ANKFN1: variants seen among roughly 807,000 people sequenced by gnomAD.
ANKFN1 encodes ankyrin repeat and fibronectin type III domain containing 1, also known as ankyrin repeat and fibronectin type-III domain-containing protein 1.
A neutral mutation model predicts 108.7 loss-of-function variants in ANKFN1; 74 were observed. The observed-to-expected ratio is 0.68, with a 90% confidence interval of 0.56 to 0.83. The LOEUF is 0.83. Ranked by LOEUF, ANKFN1 falls within the 40% of genes least tolerant of loss-of-function variation. The pLI is 0.00. For missense variants in ANKFN1, 1,505 were observed against 1,382.3 expected (o/e 1.09, Z -1.41); for synonymous variants, 547 against 516.2 (o/e 1.06, Z -0.81).
intron 8 of ANKFN1, among the ~76,000 whole-genome samples, chr17:56,436,052 G>T (rs2048920563): frequency 1.3e-5 from 2 of 151,958 alleles, no homozygotes; most frequent in African/African-American, 4.8e-5. Flanking sequence ...AGGCTTCAGG[G>T]GCTCTTTTTC....
At chr17:56,182,492 A>G (rs1442676431) in intron 1 of ANKFN1, among the ~76,000 whole-genome samples, 1 of 152,222 alleles carries the variant, frequency 6.6e-6, no homozygotes, top group Non-Finnish European at 1.5e-5. Context: ...GTCCAGAGCA[A>G]GACCCTAACT....
At chr17:56,403,639 T>C (rs1391939995) in intron 8 of ANKFN1, among the ~76,000 whole-genome samples, 1 of 152,204 alleles carries the variant, frequency 6.6e-6, no homozygotes, top group Non-Finnish European at 1.5e-5. Flanking sequence ...ATTTAGGCCA[T>C]TTACATTCAA....
chr17:56,244,274 TC>T (rs1231133621), intron 3 of ANKFN1, among the ~76,000 whole-genome samples: 1 of 152,128 alleles, frequency 6.6e-6, no homozygotes, highest in Non-Finnish European at 1.5e-5. Context: ...CAATGCCTAT[TC>T]CCTTAAGGAG....
At chr17:56,265,367 C>T (rs937969126) in intron 3 of ANKFN1, among the ~76,000 whole-genome samples, 1 of 152,112 alleles carries the variant, frequency 6.6e-6, no homozygotes, top group Non-Finnish European at 1.5e-5. Context: ...AGGGAACTGC[C>T]AAACACTTTT....
intron 6 of ANKFN1, among the ~76,000 whole-genome samples, chr17:56,363,039 T>C (rs985946568): frequency 2.0e-5 from 3 of 151,886 alleles, no homozygotes; most frequent in Non-Finnish European, 2.9e-5. Flanking sequence ...TGAAACTCCA[T>C]CTCTACTAAA....
At chr17:56,193,872 G>A (rs532570057) in intron 1 of ANKFN1, among the ~76,000 whole-genome samples, 2 of 152,300 alleles carry the variant, frequency 1.3e-5, no homozygotes, top group African/African-American at 4.8e-5. Flanking sequence ...ATTTGCAAAA[G>A]ACATATCTGA....
intron 4 of ANKFN1, among the ~76,000 whole-genome samples, chr17:56,105,079 G>A (rs888748812): frequency 5.3e-5 from 8 of 152,172 alleles, no homozygotes; most frequent in Non-Finnish European, 1.0e-4. Flanking sequence ...TGTACAGAGG[G>A]AAATATGCAG....
At chr17:56,352,870 G>A (rs138889413) in intron 5 of ANKFN1, among the ~76,000 whole-genome samples, 1 of 152,296 alleles carries the variant, frequency 6.6e-6, no homozygotes, top group Non-Finnish European at 1.5e-5. Context: ...TATAGAGTGA[G>A]AGCTGGGGGA....
intron 3 of ANKFN1, among the ~76,000 whole-genome samples, chr17:56,274,519 C>T (rs1243429122): frequency 6.6e-6 from 1 of 152,136 alleles, no homozygotes; most frequent in Non-Finnish European, 1.5e-5. Flanking sequence ...GAAGCTCTTG[C>T]TAACCACATT....
chr17:56,103,125 T>C (rs1373787271), intron 4 of ANKFN1, among the ~76,000 whole-genome samples: 2 of 152,210 alleles, frequency 1.3e-5, no homozygotes, highest in African/African-American at 4.8e-5. Context: ...GCAAAAATGC[T>C]GACTGCAGTC....
chr17:56,092,028 G>A (rs1249716010), intron 4 of ANKFN1, among the ~76,000 whole-genome samples: 1 of 151,264 alleles, frequency 6.6e-6, no homozygotes, highest in African/African-American at 2.4e-5. Flanking sequence ...AACAAGATAT[G>A]TAAAAGAAGA....
chr17:56,277,336 T>G (rs1340038861), intron 3 of ANKFN1, among the ~76,000 whole-genome samples: 1 of 152,198 alleles, frequency 6.6e-6, no homozygotes, highest in Non-Finnish European at 1.5e-5. Context: ...ATGTTTGACT[T>G]GCAGGACATC....
chr17:56,091,303 T>A (rs1905411917), intron 4 of ANKFN1, among the ~76,000 whole-genome samples: 1 of 151,092 alleles, frequency 6.6e-6, no homozygotes. Context: ...CATGATACAA[T>A]AAGGTCATTG....
intron 3 of ANKFN1, among the ~76,000 whole-genome samples, chr17:56,289,188 C>G (rs944867866): frequency 6.6e-6 from 1 of 152,098 alleles, no homozygotes; most frequent in South Asian, 2.1e-4. Context: ...TAATGAGAGG[C>G]AAGTGAAGGG....
intron 8 of ANKFN1, among the ~76,000 whole-genome samples, chr17:56,425,127 T>TAA (rs59432133): frequency 5.4e-4 from 75 of 139,874 alleles, no homozygotes; most frequent in African/African-American, 1.7e-3. Flanking sequence ...AGCTCTTAGT[T>TAA]AAAAAAAAAA....
intron 4 of ANKFN1, among the ~76,000 whole-genome samples, chr17:56,084,468 C>T (rs1905284117): frequency 6.6e-6 from 1 of 151,468 alleles, no homozygotes; most frequent in Non-Finnish European, 1.5e-5. Context: ...GGCTTTGCAG[C>T]ACCTTGGAGA....
At chr17:56,209,460 A>G (rs1335631437) in intron 1 of ANKFN1, among the ~76,000 whole-genome samples, 1 of 152,214 alleles carries the variant, frequency 6.6e-6, no homozygotes, top group Non-Finnish European at 1.5e-5. Context: ...GAATGGAATT[A>G]CCCTAGTGTC....
chr17:56,112,001 G>A (rs910388138), intron 4 of ANKFN1, among the ~76,000 whole-genome samples: 3 of 152,136 alleles, frequency 2.0e-5, no homozygotes, highest in African/African-American at 7.2e-5. Flanking sequence ...TAAGTGCATG[G>A]CAAAATTCTC....
In ANKFN1 at chr17:56,163,163, C is replaced by T. The variant is rs188657566; in HGVS notation, c.-71+9633C>T. On this transcript the variant is annotated intron_variant, in intron 1 of 20. Transcript: ENST00000682825. ...GATAAACAGGTTTTTCTCCCCCAGC[C>T]CGTTCTTTCTCTTTTAAACCCATAC... Among the ~76,000 whole-genome samples the T allele has an allele frequency of 1.4e-3, 220 of 152,180 alleles. 3 individuals are homozygous for T. The highest frequency in any genetic ancestry group is 5.2e-3 in the African/African-American group (217 of 41,538).
Sources: gnomAD v4.1 joint callset for allele counts (sites outside exome capture counted in the v4.1 genomes callset) on GRCh38, gnomAD v4.1.1 for gene constraint, MANE v1.5 for transcripts, NCBI Gene and HGNC (gene_info 2026-07-23, HGNC 2026-07-21) for gene names.